The following RYR3 variants were observed in gnomAD, a reference collection of about 807,000 sequenced individuals.
The protein encoded by RYR3 is brain ryanodine receptor-calcium release channel.
A neutral mutation model predicts 584.3 loss-of-function variants in RYR3; 207 were observed. That is an observed-to-expected ratio of 0.35 (90% CI 0.32 to 0.40). The LOEUF is 0.40. Among genes scored for constraint, RYR3 ranks in the 10% least tolerant of loss-of-function variants. RYR3 has a pLI of 1.00. For missense variants in RYR3, 5,616 were observed against 6,089.2 expected, an observed-to-expected ratio of 0.92 and a Z score of 2.59; for synonymous variants, 2,416 against 2,248.5, an observed-to-expected ratio of 1.07 and a Z score of -2.11.
intron 1 of RYR3, among the ~76,000 whole-genome samples, chr15:33,433,682 A>C (rs1182013171): frequency 6.6e-6 from 1 of 152,202 alleles, no homozygotes; most frequent in Non-Finnish European, 1.5e-5. Flanking sequence ...GTATTAGAAA[A>C]CTAAACTGGT....
chr15:33,384,480 T>TA (rs1279769470), intron 1 of RYR3, among the ~76,000 whole-genome samples: 2 of 64,738 alleles, frequency 3.1e-5, no homozygotes, highest in Non-Finnish European at 7.2e-5. Context: ...AATATTATAT[T>TA]TTATATTATA....
intron 1 of RYR3, among the ~76,000 whole-genome samples, chr15:33,318,813 C>T (rs1452174926): frequency 2.0e-5 from 3 of 152,148 alleles, no homozygotes; most frequent in Non-Finnish European, 2.9e-5. Context: ...GATAAGGTGA[C>T]TCTACATCAA....
chr15:33,360,798 T>C (rs888541628), intron 1 of RYR3, among the ~76,000 whole-genome samples: 3 of 152,206 alleles, frequency 2.0e-5, no homozygotes, highest in African/African-American at 4.8e-5. Context: ...GCATCTTTCA[T>C]TGAAGGTAAA....
intron 102 of RYR3, 101 bp from the exon 103 acceptor site, chr15:33,864,037 G>A (rs973390878): frequency 8.9e-6 from 7 of 786,344 alleles, no homozygotes; most frequent in South Asian, 1.6e-5. Context: ...TGTAGATAGC[G>A]TGGGACCAAC....
At chr15:33,421,810 A>G (rs1282407297) in intron 1 of RYR3, among the ~76,000 whole-genome samples, 1 of 152,204 alleles carries the variant, frequency 6.6e-6, no homozygotes, top group Non-Finnish European at 1.5e-5. Flanking sequence ...TGTTAGGTAG[A>G]ACTTCAGAGT....
chr15:33,556,851 G>A (rs2057099610), intron 10 of RYR3, among the ~76,000 whole-genome samples: 1 of 151,840 alleles, frequency 6.6e-6, no homozygotes, highest in African/African-American at 2.4e-5. Context: ...CGGTAGAGTT[G>A]TTTTTTTTCC....
intron 1 of RYR3, among the ~76,000 whole-genome samples, chr15:33,399,673 G>A (rs1021728384): frequency 5.3e-5 from 8 of 152,072 alleles, no homozygotes; most frequent in African/African-American, 1.9e-4. Flanking sequence ...TGCTGAAATT[G>A]TTCATGGGCG....
Position 33,816,977 on chromosome 15 carries a change from G to T in RYR3, c.10599+19G>T, listed in dbSNP as rs1425145541. 2 of 1,452,132 alleles carry T rather than the reference G, an allele frequency of 1.4e-6. No homozygotes were observed. The highest frequency in any genetic ancestry group is 1.7e-5 in the Admixed American group (1 of 57,356). The allele number at this position is 1,452,132 out of a possible 1,614,324, so 90.0% of individuals were successfully genotyped here. ...TTTGGCTGTAAGTACTGACTCCCCT[G>T]GGAGCAGATATGAGTGTGGATGAAT... On this transcript the variant is annotated intron_variant, in intron 75 of 103. Coordinates refer to ENST00000634891, the MANE Select transcript of RYR3 (RefSeq NM_001036.6).
At chr15:33,534,726 TG>T (rs1161841659) in intron 5 of RYR3, among the ~76,000 whole-genome samples, 1 of 152,192 alleles carries the variant, frequency 6.6e-6, no homozygotes, top group African/African-American at 2.4e-5. Context: ...GGGTAGGAGT[TG>T]AAAGGAGGCA....
chr15:33,559,876 C>T (rs2057310071), intron 10 of RYR3, among the ~76,000 whole-genome samples: 1 of 152,060 alleles, frequency 6.6e-6, no homozygotes. Context: ...TGGGGAATTC[C>T]AAACAGAAAG....
At chr15:33,461,169 C>T (rs944829424) in intron 1 of RYR3, among the ~76,000 whole-genome samples, 1 of 151,922 alleles carries the variant, frequency 6.6e-6, no homozygotes, top group African/African-American at 2.4e-5. Flanking sequence ...TGGTCTTGAT[C>T]TCCTGACCTC....
At chr15:33,849,887 C>T (rs966965334) in intron 94 of RYR3, 2 of 152,220 alleles carry the variant, frequency 1.3e-5, no homozygotes, top group Non-Finnish European at 2.9e-5. Context: ...TCCTCACATC[C>T]TAAGTCTGTC....
chr15:33,486,431 G>T (rs1247452606), intron 2 of RYR3, among the ~76,000 whole-genome samples: 10 of 152,048 alleles, frequency 6.6e-5, no homozygotes, highest in Non-Finnish European at 1.5e-4. Flanking sequence ...GCATTTTGTT[G>T]TTCGTATAAA....
intron 69 of RYR3, among the ~76,000 whole-genome samples, chr15:33,804,107 G>A (rs941383460): frequency 1.3e-5 from 2 of 152,208 alleles, no homozygotes; most frequent in South Asian, 2.1e-4. Flanking sequence ...GAGGAAAAGC[G>A]GGTGTTTGTT....
chr15:33,838,698 C>G lies in RYR3; in HGVS notation c.12718C>G (p.Gln4240Glu), dbSNP rs1596934094. The change falls in exon 89 of 104, where the codon CAA becomes GAA. Residue 4240 changes from glutamine (Q) to glutamate (E), a missense_variant. Transcript: ENST00000634891. ...CCTGGGTGACATGCCTGACCCAACC[C>G]AATTTGGTATCCATGATGACACTAT... Reference protein sequence around the residue: ...KILGDMPDPTQFGIHDDTMEA... With the variant: ...KILGDMPDPTEFGIHDDTMEA... 1 of 1,613,900 alleles carries G rather than the reference C, an allele frequency of 6.2e-7. No homozygotes were observed. Among genetic ancestry groups the G allele is most frequent in the Non-Finnish European group, 8.5e-7 (1 of 1,179,868 alleles).
chr15:33,335,178 G>A (rs1348653766), intron 1 of RYR3, among the ~76,000 whole-genome samples: 1 of 152,114 alleles, frequency 6.6e-6, no homozygotes, highest in African/African-American at 2.4e-5. Flanking sequence ...CCATTACTGG[G>A]CATATACTCA....
At chr15:33,713,753 C>A (rs1014375760) in intron 43 of RYR3, among the ~76,000 whole-genome samples, 16 of 152,100 alleles carry the variant, frequency 1.1e-4, no homozygotes, top group Admixed American at 2.6e-4. Flanking sequence ...AAGGTGCTGG[C>A]AGATTCAGTG....
chr15:33,741,745 C>T (rs1415247518), intron 51 of RYR3, among the ~76,000 whole-genome samples: 1 of 152,180 alleles, frequency 6.6e-6, no homozygotes. Flanking sequence ...TCCTGAGTAG[C>T]TGGGACCACA....
chr15:33,539,854 G>A (rs571896351), intron 6 of RYR3, among the ~76,000 whole-genome samples: 1 of 152,224 alleles, frequency 6.6e-6, no homozygotes, highest in Non-Finnish European at 1.5e-5. Flanking sequence ...TTAAGTAGAA[G>A]TAGATCATCC....
Sources: gnomAD v4.1 joint callset for allele counts (sites outside exome capture counted in the v4.1 genomes callset) on GRCh38, gnomAD v4.1.1 for gene constraint, MANE v1.5 for transcripts, NCBI Gene and HGNC (gene_info 2026-07-23, HGNC 2026-07-21) for gene names.